The following GIGYF1 variants were observed in gnomAD, a reference collection of about 807,000 sequenced individuals.
The protein encoded by GIGYF1 is GRB10-interacting GYF protein 1.
Under a neutral mutation model 147.1 loss-of-function variants are expected in GIGYF1, and 84 were observed. The observed-to-expected ratio is 0.57, with a 90% CI of 0.48 to 0.68. The LOEUF (loss-of-function observed/expected upper bound fraction) is 0.68, where lower values mean the gene tolerates loss of function less well. Among genes scored for constraint, GIGYF1 ranks in the 30% least tolerant of loss-of-function variants. The pLI is 0.00. For missense variants in GIGYF1, 1,485 were observed against 1,393.7 expected (o/e 1.07, Z -1.04); for synonymous variants, 752 against 589.5 (o/e 1.28, Z -3.99).
chr7:100,687,874 C>T lies in GIGYF1; in HGVS notation c.175G>A (p.Glu59Lys). 2 of 1,613,558 alleles carry T rather than the reference C, an allele frequency of 1.2e-6. No homozygotes were observed. The highest frequency in any genetic ancestry group is 1.7e-6 in the Non-Finnish European group (2 of 1,180,000). The change falls in exon 6 of 27, where the codon GAG becomes AAG. Residue 59 changes from glutamate (E) to lysine (K), a missense_variant. Coordinates refer to ENST00000678049, the MANE Select transcript of GIGYF1 (RefSeq NM_001375765.1). ...LYVKENKVPEELQDKEFAAVL... is the reference protein window; with the variant it reads ...LYVKENKVPEKLQDKEFAAVL... ...GCGGCGAACTCCTTGTCCTGCAGCT[C>T]TTCCGGGACCTGGCAGTGGGTTGGG... is the stretch of plus-strand genomic sequence containing the variant.
At position 100,686,092 on chromosome 7, in the gene GIGYF1, G is replaced by A. The variant is rs201939804; in HGVS notation, c.949-13C>T. On this transcript the variant is annotated splice_polypyrimidine_tract_variant and intron_variant, in intron 11 of 26. Coordinates refer to ENST00000678049, the MANE Select transcript of GIGYF1 (RefSeq NM_001375765.1). ...CCTTGGGGCCCTTCTGCATGGGGCC[G>A]GGGTGGGGAGCAGAGAACAGCTGGG... is the stretch of plus-strand genomic sequence containing the variant. 8.5e-5 allele frequency: 137 copies of A among 1,611,582 alleles called. No homozygotes were observed. The highest frequency in any genetic ancestry group is 6.0e-4 in the East Asian group (27 of 44,836).
intron 1 of GIGYF1, among the ~76,000 whole-genome samples, chr7:100,691,383 G>C (rs2131402614): frequency 6.6e-6 from 1 of 152,384 alleles, no homozygotes; most frequent in South Asian, 2.1e-4. Context: ...GGCAAGGGAA[G>C]GCAGGTGTGT....
At position 100,686,040 on chromosome 7, in the gene GIGYF1, C is replaced by T; in HGVS notation, c.988G>A (p.Asp330Asn). 6.2e-7 allele frequency: 1 copy of T among 1,612,856 alleles called. No homozygotes were observed. Residue 330 changes from aspartate to asparagine, a missense_variant, in exon 12 of 27, where the codon GAC becomes AAC. Asp to Asn is a conservative substitution (Grantham distance 23). Transcript: ENST00000678049. Reference sequence around the variant, plus strand: ...TCCTCCTCCTCCAACCCTTGGAAGTCCAGCTCCTGCTCCTCAGGAATGGGC... The same window carrying T: ...TCCTCCTCCTCCAACCCTTGGAAGTTCAGCTCCTGCTCCTCAGGAATGGGC... ...KEPIPEEQELDFQGLEEEEEP... is the reference protein window; with the variant it reads ...KEPIPEEQELNFQGLEEEEEP...
chr7:100,693,316 G>A lies in GIGYF1; in HGVS notation c.-1099+794C>T, dbSNP rs528555317. On this transcript the variant is annotated intron_variant, in intron 1 of 26. Coordinates refer to ENST00000678049, the MANE Select transcript of GIGYF1 (RefSeq NM_001375765.1). ...TTTTTTGTTTTTTTTTTTTTTTAAG[G>A]CAAAGTGTGAGAGCTGTGGCCAGGG... Among the ~76,000 whole-genome samples the A allele has an allele frequency of 6.0e-5, 9 of 151,200 alleles. No homozygotes were observed. The South Asian group carries it at 1.5e-3, about 24-fold the overall frequency.
At position 100,685,731 on chromosome 7, in the gene GIGYF1, G is replaced by A. The variant is rs539217236; in HGVS notation, c.1054+243C>T. 3.3e-5 allele frequency among the ~76,000 whole-genome samples: 5 copies of A among 152,262 alleles called. No homozygotes were observed. The South Asian group carries it at 8.3e-4, about 25-fold the overall frequency. ...ACACAACACCGCAGACGTCACTCCA[G>A]GTTCTACAGCTTCTTCAAGGGACTT... On this transcript the variant is annotated intron_variant, in intron 12 of 26. Coordinates refer to ENST00000678049, the MANE Select transcript of GIGYF1 (RefSeq NM_001375765.1).
chr7:100,684,396 T>G, intron 16 of GIGYF1, 54 bp downstream of exon 16: 1 of 1,604,284 alleles, frequency 6.2e-7, no homozygotes, highest in Non-Finnish European at 8.5e-7. Context: ...TCTGCTGGAC[T>G]CCTGCCGGCA....
chr7:100,686,907 C>A (rs565012419), intron 9 of GIGYF1, 88 bp from the exon 10 acceptor site: 2 of 1,602,236 alleles, frequency 1.2e-6, no homozygotes, highest in Admixed American at 1.7e-5. Context: ...AGCTCCAGGC[C>A]CTCCTGCCCC....
Position 100,686,242 on chromosome 7 carries a change from G to C in GIGYF1, c.886C>G (p.Leu296Val). The C allele has an allele frequency of 6.2e-7, 1 of 1,614,022 alleles. No individual in the cohort carries two copies. The highest frequency in any genetic ancestry group is 8.5e-7 in the Non-Finnish European group (1 of 1,179,990). ...EDKDGLPEWC[L>V]DDEDEEMGTF... Reference sequence around the variant, plus strand: ...CCCATTTCTTCATCCTCATCGTCCAGGCACCACTCTGGGAGCCCATCCTTG... The same window carrying C: ...CCCATTTCTTCATCCTCATCGTCCACGCACCACTCTGGGAGCCCATCCTTG... The change falls in exon 11 of 27, where the codon CTG (leucine) becomes GTG (valine). Residue 296 changes from leucine (L) to valine (V), a missense_variant. By Grantham distance (32) the Leu-to-Val change is conservative. Transcript: ENST00000678049.
chr7:100,686,616 G>GC (rs1190176711), intron 10 of GIGYF1, 33 bp downstream of exon 10: 2 of 1,584,980 alleles, frequency 1.3e-6, no homozygotes, highest in East Asian at 4.5e-5. Context: ...GCTCCCCACT[G>GC]CCCCCGCCAA....
rs574274143 is a variant in GIGYF1 at position 100,679,563 on chromosome 7, AAG to A, written c.*2154_*2155del. 4 of 152,702 alleles carry A rather than the reference AAG, an allele frequency of 2.6e-5. No homozygotes were observed. Among genetic ancestry groups the A allele is most frequent in the South Asian group, 2.1e-4 (1 of 4,846 alleles). The allele number at this position is 152,702 out of a possible 1,614,324, so 9.5% of individuals were successfully genotyped here. A position where few individuals can be genotyped will look rare whatever the true frequency, so the allele number is the denominator to read the frequency against. On this transcript the variant is annotated 3_prime_UTR_variant, in exon 27 of 27. Transcript: ENST00000678049. ...AGGGAGTATTTACAGGAGCAGGTAA[AAG>A]AGAGGGAAGTCACACAGGGTGGAGA...
In GIGYF1 at chr7:100,682,570, C is replaced by T. The variant is rs778420168; in HGVS notation, c.2600+20G>A. ...CTTCCCCCTCAGGGCCATCCCGGAGCCTCCAGGTGCCACGCCCACCTGAGA... is the reference window on the plus strand; with the variant it reads ...CTTCCCCCTCAGGGCCATCCCGGAGTCTCCAGGTGCCACGCCCACCTGAGA... On this transcript the variant is annotated intron_variant, in intron 23 of 26. Transcript: ENST00000678049. 18 of 1,590,478 alleles carry T rather than the reference C, an allele frequency of 1.1e-5. No homozygotes were observed. Among genetic ancestry groups the T allele is most frequent in the Admixed American group, 1.7e-5 (1 of 58,430 alleles).
At chr7:100,683,984 CA>C (rs1805061384) in intron 18 of GIGYF1, 35 bp downstream of exon 18, 9 of 1,585,986 alleles carry the variant, frequency 5.7e-6, no homozygotes, top group African/African-American at 1.3e-5. Context: ...ATCCCCCCCC[CA>C]CCCTGTATCC....
In GIGYF1 at chr7:100,688,244, G is replaced by A; in HGVS notation, c.-6C>T. On this transcript the variant is annotated 5_prime_UTR_variant, in exon 4 of 27. Transcript: ENST00000678049. ...TTGAGTGTCTCTGCTGCCATCGTGG[G>A]GCTGGGCGTGTTTGAGAGGCCGGGG... 1 of 1,612,608 alleles carries A rather than the reference G, an allele frequency of 6.2e-7. No individual in the cohort carries two copies. The highest frequency in any genetic ancestry group is 8.5e-7 in the Non-Finnish European group (1 of 1,179,398).
intron 23 of GIGYF1, 36 bp downstream of exon 23, chr7:100,682,554 C>G: frequency 1.3e-6 from 2 of 1,592,954 alleles, no homozygotes; most frequent in South Asian, 2.2e-5. Flanking sequence ...CCTTCCCCCT[C>G]AGGGCCATCC....
In GIGYF1 at chr7:100,680,296, G is replaced by A. The variant is rs1322401779; in HGVS notation, c.*1423C>T. 6.6e-6 allele frequency: 1 copy of A among 152,652 alleles called. No homozygotes were observed. The highest frequency in any genetic ancestry group is 2.1e-4 in the South Asian group (1 of 4,832). The allele number at this position is 152,652 out of a possible 1,614,324, so 9.5% of individuals were successfully genotyped here. A position where few individuals can be genotyped will look rare whatever the true frequency, so the allele number is the denominator to read the frequency against. ...GGAGGGAGAAATACATTCATGGAGG[G>A]AGGCAGTGGCGAAGCCTTGCCCTAA... is the stretch of plus-strand genomic sequence containing the variant. On this transcript the variant is annotated 3_prime_UTR_variant, in exon 27 of 27. Coordinates refer to ENST00000678049, the MANE Select transcript of GIGYF1 (RefSeq NM_001375765.1).
Position 100,683,392 on chromosome 7 carries a change from C to A in GIGYF1, c.2105G>T (p.Arg702Leu). Residue 702 changes from arginine to leucine, a missense_variant, in exon 21 of 27, where the codon CGC becomes CTC. Coordinates refer to ENST00000678049, the MANE Select transcript of GIGYF1 (RefSeq NM_001375765.1). ...GCGGCGCTTCTCCTCTCGACGCTTG[C>A]GTTCCTCTTCCTCCCGCTTCGCCCT... ...ELRAKREEEE[R>L]KRREEKRRQQ... 6.2e-7 allele frequency: 1 copy of A among 1,613,550 alleles called. No individual in the cohort carries two copies. Among genetic ancestry groups the A allele is most frequent in the South Asian group, 1.1e-5 (1 of 91,090 alleles).
At chr7:100,683,721 G>T in intron 19 of GIGYF1, 89 bp from the exon 20 acceptor site, 3 of 1,553,122 alleles carry the variant, frequency 1.9e-6, no homozygotes, top group South Asian at 2.2e-5. Context: ...TCCCCAGCCA[G>T]AATGGCAGCT....
At chr7:100,685,558 G>A in intron 12 of GIGYF1, 77 bp from the exon 13 acceptor site, 1 of 1,523,938 alleles carries the variant, frequency 6.6e-7, no homozygotes, top group Non-Finnish European at 8.8e-7. Context: ...CCTTGAGTGT[G>A]GCTGGAACCG....
rs1804608368 is a variant in GIGYF1, at chr7:100,680,287, T to A, written c.*1432A>T. 1 of 151,956 alleles carries A rather than the reference T, an allele frequency of 6.6e-6. No individual in the cohort carries two copies. Among genetic ancestry groups the A allele is most frequent in the Non-Finnish European group, 1.5e-5 (1 of 67,994 alleles). The allele number at this position is 151,956 out of a possible 1,614,324, so 9.4% of individuals were successfully genotyped here. On this transcript the variant is annotated 3_prime_UTR_variant, in exon 27 of 27. Transcript: ENST00000678049. ...CCCAGGGCAGGAGGGAGAAATACATTCATGGAGGGAGGCAGTGGCGAAGCC... is the reference window on the plus strand; with the variant it reads ...CCCAGGGCAGGAGGGAGAAATACATACATGGAGGGAGGCAGTGGCGAAGCC...
Sources: gnomAD v4.1 joint callset for allele counts (sites outside exome capture counted in the v4.1 genomes callset) on GRCh38, gnomAD v4.1.1 for gene constraint, MANE v1.5 for transcripts, NCBI Gene and HGNC (gene_info 2026-07-23, HGNC 2026-07-21) for gene names.